The following NTNG1 variants were observed in gnomAD, a reference collection of about 807,000 sequenced individuals.
NTNG1 encodes netrin-G1.
Under a neutral mutation model 54.0 loss-of-function variants are expected in NTNG1, and 16 were observed. That is an observed-to-expected ratio of 0.30 (90% CI 0.20 to 0.45). NTNG1 has a LOEUF of 0.45. NTNG1 is among the 20% of genes least tolerant of loss of function. The pLI is 1.00. For synonymous variants in NTNG1, 255 were observed against 263.1 expected (o/e 0.97, Z 0.30); for missense variants, 530 against 678.7 (o/e 0.78, Z 2.43).
intron 2 of NTNG1, among the ~76,000 whole-genome samples, chr1:107,155,740 A>T (rs951513725): frequency 1.3e-5 from 2 of 152,216 alleles, no homozygotes. Flanking sequence ...CAGCAAATAA[A>T]TGATAACATG....
chr1:107,216,842 T>TA (rs1323062246), intron 2 of NTNG1, among the ~76,000 whole-genome samples: 2 of 151,946 alleles, frequency 1.3e-5, no homozygotes, highest in East Asian at 3.9e-4. Context: ...CACGACCAGC[T>TA]TAATTTTTGT....
At chr1:107,451,621 T>A (rs1485868082) in intron 7 of NTNG1, among the ~76,000 whole-genome samples, 1 of 152,152 alleles carries the variant, frequency 6.6e-6, no homozygotes, top group Non-Finnish European at 1.5e-5. Context: ...ATGAATGTAT[T>A]AGTCGTTGCA....
chr1:107,349,161 A>G (rs978629028), intron 3 of NTNG1, among the ~76,000 whole-genome samples: 1 of 151,840 alleles, frequency 6.6e-6, no homozygotes, highest in African/African-American at 2.4e-5. Flanking sequence ...TAATTTCTCT[A>G]CCTGGAATGC....
intron 3 of NTNG1, among the ~76,000 whole-genome samples, chr1:107,360,068 C>T (rs548895517): frequency 6.6e-6 from 1 of 152,306 alleles, no homozygotes; most frequent in Non-Finnish European, 1.5e-5. Context: ...ACCCTGTTGT[C>T]TTATACAGGG....
rs148196464 is a variant in NTNG1 at position 107,468,254 on chromosome 1, TTAAGTCTC to T, written c.1391-12352_1391-12345del. Among the ~76,000 whole-genome samples the T allele has an allele frequency of 8.7e-3, 1,318 of 152,302 alleles. 28 individuals carry two copies. Among genetic ancestry groups the T allele is most frequent in the African/African-American group, 0.031 (1,277 of 41,562 alleles). On this transcript the variant is annotated intron_variant, in intron 7 of 7. Transcript: ENST00000370068. The stretch of plus-strand genomic sequence containing the variant: ...TCCTACCAAGTATGTATAGGAAAAA[TTAAGTCTC>T]TAAGGAGACGTTTGGCTATAGCTTG...
At chr1:107,436,942 G>A (rs1675637852) in intron 7 of NTNG1, 143 bp downstream of exon 7, 19 of 696,594 alleles carry the variant, frequency 2.7e-5, no homozygotes, top group Non-Finnish European at 3.6e-5. Flanking sequence ...TGCGGCCAAT[G>A]TATTGGGAGA....
intron 7 of NTNG1, among the ~76,000 whole-genome samples, chr1:107,477,863 G>C (rs1448961217): frequency 6.6e-6 from 1 of 152,120 alleles, no homozygotes; most frequent in Non-Finnish European, 1.5e-5. Flanking sequence ...ACAGATATTG[G>C]TTAAGCTCAA....
chr1:107,168,549 G>A (rs1025383064), intron 2 of NTNG1, among the ~76,000 whole-genome samples: 1 of 151,958 alleles, frequency 6.6e-6, no homozygotes, highest in African/African-American at 2.4e-5. Flanking sequence ...AATAGAAGTG[G>A]AACTACTTTG....
chr1:107,469,574 C>A (rs1279658458), intron 7 of NTNG1, among the ~76,000 whole-genome samples: 1 of 152,090 alleles, frequency 6.6e-6, no homozygotes, highest in African/African-American at 2.4e-5. Flanking sequence ...CCTCCGTCTC[C>A]CAGGTTCAAG....
chr1:107,198,402 T>C (rs1020647441), intron 2 of NTNG1, among the ~76,000 whole-genome samples: 4 of 152,118 alleles, frequency 2.6e-5, no homozygotes, highest in African/African-American at 9.6e-5. Flanking sequence ...CTTTTGTATA[T>C]GCTTGAAATT....
intron 2 of NTNG1, among the ~76,000 whole-genome samples, chr1:107,209,897 T>TAA (rs778790473): frequency 0.048 from 7,259 of 151,398 alleles, 184 homozygotes; most frequent in African/African-American, 0.061. Context: ...ACTTCTTTTT[T>TAA]TTTTTTTTTT....
At chr1:107,238,791 A>T (rs1392585065) in intron 2 of NTNG1, among the ~76,000 whole-genome samples, 2 of 133,624 alleles carry the variant, frequency 1.5e-5, no homozygotes, top group African/African-American at 5.1e-5. Context: ...GTCCAATTAA[A>T]CACTTTTTTT....
chr1:107,233,812 T>G (rs183834710), intron 2 of NTNG1, among the ~76,000 whole-genome samples: 1 of 152,214 alleles, frequency 6.6e-6, no homozygotes, highest in South Asian at 2.1e-4. Context: ...TTTTGCTCCT[T>G]TTTATATTAA....
At chr1:107,254,490 C>T (rs890860633) in intron 2 of NTNG1, among the ~76,000 whole-genome samples, 3 of 152,224 alleles carry the variant, frequency 2.0e-5, no homozygotes. Context: ...CAATGGGGCT[C>T]AAGAGCTCCC....
chr1:107,344,596 AGTCTACT>A (rs919677559), intron 3 of NTNG1, among the ~76,000 whole-genome samples: 4 of 152,106 alleles, frequency 2.6e-5, no homozygotes, highest in Non-Finnish European at 5.9e-5. Flanking sequence ...ATTTTTTTCA[AGTCTACT>A]TGATGAAGTG....
chr1:107,339,012 T>C (rs2101919566), intron 3 of NTNG1, among the ~76,000 whole-genome samples: 1 of 152,136 alleles, frequency 6.6e-6, no homozygotes, highest in East Asian at 1.9e-4. Context: ...TAGAGCTCTT[T>C]AACAGCATAG....
intron 2 of NTNG1, among the ~76,000 whole-genome samples, chr1:107,264,166 ACG>A (rs985487275): frequency 1.1e-4 from 16 of 151,830 alleles, no homozygotes; most frequent in Admixed American, 1.0e-3. Flanking sequence ...AAACACACAC[ACG>A]CCCTTCTATT....
chr1:107,371,638 G>A (rs1176594516), intron 3 of NTNG1, among the ~76,000 whole-genome samples: 2 of 151,814 alleles, frequency 1.3e-5, no homozygotes, highest in East Asian at 1.9e-4. Context: ...AAAGTCCCAA[G>A]GCCAAATTCA....
chr1:107,188,143 AT>A (rs59022050), intron 2 of NTNG1, among the ~76,000 whole-genome samples: 34 of 150,680 alleles, frequency 2.3e-4, no homozygotes, highest in East Asian at 7.8e-4. Flanking sequence ...GTATCAATTG[AT>A]TTTTTTTTTA....
Sources: gnomAD v4.1 joint callset for allele counts (sites outside exome capture counted in the v4.1 genomes callset) on GRCh38, gnomAD v4.1.1 for gene constraint, MANE v1.5 for transcripts, NCBI Gene and HGNC (gene_info 2026-07-23, HGNC 2026-07-21) for gene names.